Variants in SLC9B1 observed in about 807,000 individuals in gnomAD.
SLC9B1 encodes the protein solute carrier family 9 member B1.
SLC9B1 carries 32 observed loss-of-function variants against 51.7 expected under a neutral mutation model. The observed-to-expected ratio is 0.62, with a 90% CI of 0.47 to 0.83. The LOEUF (loss-of-function observed/expected upper bound fraction) is 0.83. Among genes scored for constraint, SLC9B1 ranks in the 40% least tolerant of loss-of-function variants. The probability of loss-of-function intolerance (pLI) is 0.00; values close to 1 mark genes in which losing one functional copy is unlikely to be tolerated. For missense variants in SLC9B1, 406 were observed against 613.2 expected, an observed-to-expected ratio of 0.66 and a Z score of 3.57; for synonymous variants, 145 against 212.7, an observed-to-expected ratio of 0.68 and a Z score of 2.77.
chr4:102,969,420 C>T (rs1313149226), intron 3 of SLC9B1, among the ~76,000 whole-genome samples: 1 of 152,192 alleles, frequency 6.6e-6, no homozygotes, highest in African/African-American at 2.4e-5. Flanking sequence ...AGAAGGAAAA[C>T]TAACAAACAG....
At chr4:103,001,822 T>A (rs898333215) in intron 1 of SLC9B1, among the ~76,000 whole-genome samples, 13 of 152,216 alleles carry the variant, frequency 8.5e-5, no homozygotes, top group African/African-American at 3.1e-4. Context: ...ATTTTCTGTA[T>A]TAGTCCCATT....
chr4:102,939,461 A>G (rs1459870156), intron 6 of SLC9B1, among the ~76,000 whole-genome samples: 2 of 151,476 alleles, frequency 1.3e-5, no homozygotes, highest in Admixed American at 6.6e-5. Context: ...TCACAGACAA[A>G]TTCTACCAGA....
chr4:102,992,561 A>G (rs1739999890), intron 1 of SLC9B1, among the ~76,000 whole-genome samples: 1 of 152,236 alleles, frequency 6.6e-6, no homozygotes, highest in African/African-American at 2.4e-5. Flanking sequence ...GCTGCTTTAC[A>G]TCTATTGTCT....
intron 3 of SLC9B1, among the ~76,000 whole-genome samples, chr4:102,975,600 T>TTC (rs1258237166): frequency 2.3e-5 from 3 of 129,918 alleles, no homozygotes; most frequent in African/African-American, 8.8e-5. Flanking sequence ...TTTTTTTTTT[T>TTC]TTTTTTTTTG....
At chr4:102,917,070 T>G (rs1169964217) in intron 7 of SLC9B1, among the ~76,000 whole-genome samples, 1 of 152,242 alleles carries the variant, frequency 6.6e-6, no homozygotes, top group Non-Finnish European at 1.5e-5. Context: ...TTGGATTTCT[T>G]TTTTATGCAC....
At chr4:102,946,256 G>A (rs1033028671) in intron 5 of SLC9B1, among the ~76,000 whole-genome samples, 39 of 152,008 alleles carry the variant, frequency 2.6e-4, no homozygotes, top group African/African-American at 9.4e-4. Flanking sequence ...TAGAAATTAG[G>A]GTGCCAATAT....
intron 3 of SLC9B1, among the ~76,000 whole-genome samples, chr4:102,973,598 G>T (rs1425466267): frequency 6.6e-6 from 1 of 152,122 alleles, no homozygotes; most frequent in African/African-American, 2.4e-5. Flanking sequence ...TTTGAAGCCT[G>T]ATAAAGTCTT....
intron 9 of SLC9B1, among the ~76,000 whole-genome samples, chr4:102,908,836 T>C (rs1377382846): frequency 4.2e-3 from 622 of 147,372 alleles, no homozygotes; most frequent in African/African-American, 0.016. Flanking sequence ...TCAGTAGCCC[T>C]AAGAGAAACT....
At chr4:102,894,292 G>A (rs1578324643) in intron 11 of SLC9B1, among the ~76,000 whole-genome samples, 1 of 152,150 alleles carries the variant, frequency 6.6e-6, no homozygotes, top group East Asian at 1.9e-4. Context: ...TTAAAACAAG[G>A]AACCAGTAGG....
intron 9 of SLC9B1, among the ~76,000 whole-genome samples, chr4:102,909,703 T>A (rs1373757787): frequency 2.6e-4 from 38 of 143,688 alleles, no homozygotes; most frequent in South Asian, 1.1e-3. Context: ...ACTGGTTACT[T>A]AAAAAAATGT....
intron 11 of SLC9B1, among the ~76,000 whole-genome samples, chr4:102,895,679 C>T (rs1467712203): frequency 1.3e-5 from 2 of 151,966 alleles, no homozygotes; most frequent in Non-Finnish European, 2.9e-5. Flanking sequence ...ATGACCTTAC[C>T]CACAGCAGTT....
At chr4:103,015,156 T>C (rs1741253336) in intron 1 of SLC9B1, among the ~76,000 whole-genome samples, 1 of 152,012 alleles carries the variant, frequency 6.6e-6, no homozygotes, top group South Asian at 2.1e-4. Context: ...TAAACACATA[T>C]TGATGGAAAT....
intron 1 of SLC9B1, among the ~76,000 whole-genome samples, chr4:102,997,692 T>C (rs1458989244): frequency 1.3e-5 from 2 of 152,180 alleles, no homozygotes; most frequent in Non-Finnish European, 1.5e-5. Context: ...GTTACAGTTG[T>C]TCTAAATCAT....
chr4:102,926,016 T>C, intron 7 of SLC9B1, among the ~76,000 whole-genome samples: 1 of 152,294 alleles, frequency 6.6e-6, no homozygotes, highest in Admixed American at 6.5e-5. Flanking sequence ...TCTCAATAGA[T>C]GCAGAAAAGG....
chr4:102,954,563 T>C (rs1394540571), intron 3 of SLC9B1, among the ~76,000 whole-genome samples: 1 of 151,982 alleles, frequency 6.6e-6, no homozygotes, highest in Non-Finnish European at 1.5e-5. Context: ...AGATGGAAGA[T>C]AAATAAAGTC....
At chr4:102,944,944 G>A (rs142732234) in intron 6 of SLC9B1, among the ~76,000 whole-genome samples, 1,948 of 152,210 alleles carry the variant, frequency 0.013, 44 homozygotes, top group African/African-American at 0.044. Context: ...TTATAATACA[G>A]ATGAAAAGGA....
At chr4:103,018,940 T>G (rs1466562496) in intron 1 of SLC9B1, among the ~76,000 whole-genome samples, 2 of 152,184 alleles carry the variant, frequency 1.3e-5, no homozygotes, top group African/African-American at 2.4e-5. Flanking sequence ...CAGACCTGAT[T>G]ATGAACTGCG....
At chr4:103,007,865 T>C (rs1421071848) in intron 1 of SLC9B1, among the ~76,000 whole-genome samples, 1 of 152,142 alleles carries the variant, frequency 6.6e-6, no homozygotes, top group African/African-American at 2.4e-5. Flanking sequence ...TCTCATCAGC[T>C]TTTATTGGGC....
intron 3 of SLC9B1, among the ~76,000 whole-genome samples, chr4:102,963,663 T>A (rs1234198584): frequency 6.6e-6 from 1 of 152,064 alleles, no homozygotes; most frequent in Non-Finnish European, 1.5e-5. Flanking sequence ...GGAAAAAAAA[T>A]TTCAAAAATG....
Sources: gnomAD v4.1 joint callset for allele counts (sites outside exome capture counted in the v4.1 genomes callset) on GRCh38, gnomAD v4.1.1 for gene constraint, MANE v1.5 for transcripts, NCBI Gene and HGNC (gene_info 2026-07-23, HGNC 2026-07-21) for gene names.